CNTLN: variants seen among roughly 807,000 people sequenced by gnomAD.
CNTLN encodes centlein, also known as centlein, centrosomal protein.
A neutral mutation model predicts 180.0 loss-of-function variants in CNTLN; 212 were observed. That is an observed-to-expected ratio of 1.18 (90% CI 1.05 to 1.32). The LOEUF (loss-of-function observed/expected upper bound fraction) is 1.32, where lower values mean the gene tolerates loss of function less well. Ranked by LOEUF, CNTLN falls within the 40% of genes most tolerant of loss-of-function variation. The probability of loss-of-function intolerance (pLI) is 0.00; values close to 1 mark genes in which losing one functional copy is unlikely to be tolerated. For synonymous variants in CNTLN, 722 were observed against 563.1 expected (o/e 1.28, Z -3.99); for missense variants, 2,095 against 1,610.9 (o/e 1.30, Z -5.14).
At chr9:17,183,762 C>G (rs917681472) in intron 2 of CNTLN, among the ~76,000 whole-genome samples, 6 of 152,014 alleles carry the variant, frequency 3.9e-5, no homozygotes, top group African/African-American at 1.2e-4. Context: ...GGGAAGTATA[C>G]TAAACATGAA....
rs184186043 is a variant in CNTLN, at chr9:17,418,865, T to C, written c.3114+2676T>C. On this transcript the variant is annotated intron_variant, in intron 18 of 25. Transcript: ENST00000380647. ...TTTTCAAAGACTTTCAACTTTTTCATATGTAATTAAAGTACCATTGTTCGT... is the reference window on the plus strand; with the variant it reads ...TTTTCAAAGACTTTCAACTTTTTCACATGTAATTAAAGTACCATTGTTCGT... Among the ~76,000 whole-genome samples, 9 of 152,196 alleles carry C rather than the reference T, an allele frequency of 5.9e-5. No homozygotes were observed. The East Asian group carries it at 1.7e-3, about 29-fold the overall frequency.
chr9:17,327,910 A>T (rs1467349645), intron 8 of CNTLN, among the ~76,000 whole-genome samples: 2 of 151,960 alleles, frequency 1.3e-5, no homozygotes. Flanking sequence ...CCGAGATTGC[A>T]CCATTGCACT....
chr9:17,255,067 T>C (rs117188744), intron 5 of CNTLN, among the ~76,000 whole-genome samples: 2 of 151,858 alleles, frequency 1.3e-5, no homozygotes, highest in African/African-American at 4.8e-5. Context: ...TAATTTCCTT[T>C]TCTGGTTATT....
At chr9:17,311,183 C>A (rs866037876) in intron 8 of CNTLN, among the ~76,000 whole-genome samples, 1 of 151,864 alleles carries the variant, frequency 6.6e-6, no homozygotes, top group Non-Finnish European at 1.5e-5. Flanking sequence ...TGCCACCACA[C>A]CTGGCTAATC....
At chr9:17,248,746 G>C (rs1461538186) in intron 5 of CNTLN, among the ~76,000 whole-genome samples, 1 of 151,208 alleles carries the variant, frequency 6.6e-6, no homozygotes, top group East Asian at 1.9e-4. Context: ...CATTTTATAA[G>C]GTATTTAGCA....
chr9:17,527,982 A>T, the CNTLN span, among the ~76,000 whole-genome samples: 1 of 152,146 alleles, frequency 6.6e-6, no homozygotes, highest in Non-Finnish European at 1.5e-5. Context: ...CAAAATAAAG[A>T]TTAATGAGTC....
At chr9:17,461,130 T>C (rs1338944274) in intron 19 of CNTLN, among the ~76,000 whole-genome samples, 1 of 151,458 alleles carries the variant, frequency 6.6e-6, no homozygotes, top group Non-Finnish European at 1.5e-5. Flanking sequence ...ATAGTGATAA[T>C]ATAATACATA....
At chr9:17,309,010 A>G (rs1818940090) in intron 7 of CNTLN, 48 bp from the exon 8 acceptor site, 2 of 1,286,480 alleles carry the variant, frequency 1.6e-6, no homozygotes, top group African/African-American at 1.5e-5. Flanking sequence ...ACACAGACAC[A>G]TAGTTTTATT....
At chr9:17,187,381 A>G (rs768748408) in intron 2 of CNTLN, among the ~76,000 whole-genome samples, 2 of 151,978 alleles carry the variant, frequency 1.3e-5, no homozygotes, top group African/African-American at 4.8e-5. Flanking sequence ...CTGCGCTTTC[A>G]TGTTTTTAAG....
chr9:17,159,027 A>G (rs1451430341), intron 2 of CNTLN, among the ~76,000 whole-genome samples: 1 of 151,912 alleles, frequency 6.6e-6, no homozygotes, highest in East Asian at 1.9e-4. Context: ...GTAAGTTGTT[A>G]TATTTTGTTT....
intron 2 of CNTLN, among the ~76,000 whole-genome samples, chr9:17,177,533 G>C (rs1820798387): frequency 6.6e-6 from 1 of 152,168 alleles, no homozygotes; most frequent in Non-Finnish European, 1.5e-5. Flanking sequence ...AGTTCTTAAA[G>C]GCGGTGTGTC....
intron 25 of CNTLN, among the ~76,000 whole-genome samples, chr9:17,495,772 C>T (rs1048091782): frequency 6.6e-6 from 1 of 152,140 alleles, no homozygotes; most frequent in African/African-American, 2.4e-5. Context: ...CTTCCAGTCC[C>T]ACAGGCTCCA....
intron 25 of CNTLN, among the ~76,000 whole-genome samples, chr9:17,496,271 G>T (rs1833451401): frequency 6.6e-6 from 1 of 152,114 alleles, no homozygotes; most frequent in Non-Finnish European, 1.5e-5. Context: ...ATATCAGGCT[G>T]TTATCACAGA....
chr9:17,483,331 TA>T (rs1436236771), intron 23 of CNTLN, among the ~76,000 whole-genome samples: 1 of 10,268 alleles, frequency 9.7e-5, no homozygotes, highest in Non-Finnish European at 5.7e-3. Flanking sequence ...GAGAAACAGA[TA>T]CTTTTTATAC....
chr9:17,434,983 G>C (rs1267951923), intron 18 of CNTLN, among the ~76,000 whole-genome samples: 1 of 151,928 alleles, frequency 6.6e-6, no homozygotes, highest in Non-Finnish European at 1.5e-5. Context: ...AGATTTTTTT[G>C]TCTTTCATTA....
At chr9:17,256,995 C>CT (rs1364064912) in intron 5 of CNTLN, among the ~76,000 whole-genome samples, 1 of 151,796 alleles carries the variant, frequency 6.6e-6, no homozygotes, top group East Asian at 1.9e-4. Flanking sequence ...TATTATTATA[C>CT]TTTAAGTTTT....
chr9:17,456,408 A>G (rs1831116311), intron 18 of CNTLN, among the ~76,000 whole-genome samples: 1 of 152,170 alleles, frequency 6.6e-6, no homozygotes, highest in African/African-American at 2.4e-5. Context: ...TATGTTACCA[A>G]AACAGTTTGA....
the CNTLN span, among the ~76,000 whole-genome samples, chr9:17,525,287 G>A: frequency 1.1e-4 from 16 of 151,914 alleles, no homozygotes; most frequent in African/African-American, 1.7e-4. Flanking sequence ...GGAATATTAA[G>A]TACATATAAA....
At chr9:17,366,839 A>T in intron 13 of CNTLN, 122 bp downstream of exon 13, 1 of 578,476 alleles carries the variant, frequency 1.7e-6, no homozygotes, top group Non-Finnish European at 3.1e-6. Context: ...CACTTTATTC[A>T]TTGATAACTC....
Sources: allele counts gnomAD v4.1 joint callset (sites outside exome capture counted in the v4.1 genomes callset), GRCh38; gene constraint gnomAD v4.1.1; transcripts MANE v1.5; gene names NCBI Gene and HGNC (gene_info 2026-07-23, HGNC 2026-07-21).